The following MTFR1 variants were observed in gnomAD, a reference collection of about 807,000 sequenced individuals.
MTFR1 encodes mitochondrial fission regulator 1.
Under a neutral mutation model 38.8 loss-of-function variants are expected in MTFR1, and 28 were observed. That is an observed-to-expected ratio of 0.72 (90% CI 0.53 to 0.99). MTFR1 has a LOEUF of 0.99. Among genes scored for constraint, MTFR1 ranks in the 50% least tolerant of loss-of-function variants. The pLI, the probability that MTFR1 is intolerant of heterozygous loss-of-function variation, is 0.00. For synonymous variants in MTFR1, 145 were observed against 137.0 expected, an observed-to-expected ratio of 1.06 and a Z score of -0.41; for missense variants, 358 against 395.5, an observed-to-expected ratio of 0.91 and a Z score of 0.81.
intron 1 of MTFR1, among the ~76,000 whole-genome samples, chr8:65,660,879 T>G (rs1809394988): frequency 1.3e-5 from 2 of 152,202 alleles, no homozygotes; most frequent in African/African-American, 4.8e-5. Flanking sequence ...AAATGGAATG[T>G]TATTCCACAC....
downstream of MTFR1, among the ~76,000 whole-genome samples, chr8:65,771,884 C>CAAAAAAA (rs36101490): frequency 1.6e-4 from 9 of 55,756 alleles, no homozygotes; most frequent in Admixed American, 2.4e-4. Flanking sequence ...CTCCATCTCT[C>CAAAAAAA]AAAAAAAAAA....
intron 1 of MTFR1, among the ~76,000 whole-genome samples, chr8:65,646,159 G>A (rs1808960588): frequency 6.6e-6 from 1 of 152,136 alleles, no homozygotes; most frequent in Admixed American, 6.5e-5. Flanking sequence ...TATGTATGAA[G>A]GACTGTGAAG....
intron 3 of MTFR1, among the ~76,000 whole-genome samples, chr8:65,686,651 G>A (rs1203371149): frequency 6.8e-6 from 1 of 146,824 alleles, no homozygotes; most frequent in Admixed American, 6.9e-5. Flanking sequence ...CTGGGCACGG[G>A]GTGGCTCACA....
At position 65,709,036 on chromosome 8, in the gene MTFR1, G is replaced by C; in HGVS notation, c.994G>C (p.Asp332His). The C allele has an allele frequency of 6.2e-7, 1 of 1,613,916 alleles. No individual in the cohort carries two copies. Among genetic ancestry groups the C allele is most frequent in the Non-Finnish European group, 8.5e-7 (1 of 1,179,828 alleles). Reference protein sequence around the residue: ...KMKALIENVSDS With the variant: ...KMKALIENVSHS ...GAAGGCTTTAATTGAAAATGTATCA[G>C]ACTCCTAATAGACAATGAGCTGCGA... The change falls in exon 8 of 8, where the codon GAC becomes CAC. Residue 332 changes from aspartate (D) to histidine (H), a missense_variant. By Grantham distance (81) the Asp-to-His change is moderately conservative (BLOSUM62 -1). Coordinates refer to ENST00000262146, the MANE Select transcript of MTFR1 (RefSeq NM_014637.4).
At chr8:65,662,251 C>T (rs902566343) in intron 1 of MTFR1, among the ~76,000 whole-genome samples, 1 of 152,094 alleles carries the variant, frequency 6.6e-6, no homozygotes, top group African/African-American at 2.4e-5. Context: ...GCGCGCGCCG[C>T]CACGCCTGAT....
intron 3 of MTFR1, among the ~76,000 whole-genome samples, chr8:65,762,742 T>G (rs1808570992): frequency 6.6e-6 from 1 of 152,198 alleles, no homozygotes; most frequent in African/African-American, 2.4e-5. Flanking sequence ...CAGATTTATT[T>G]TTCATGACAG....
intron 1 of MTFR1, among the ~76,000 whole-genome samples, chr8:65,661,376 G>T (rs1483853275): frequency 6.6e-6 from 1 of 152,164 alleles, no homozygotes; most frequent in East Asian, 1.9e-4. Flanking sequence ...CTCTGTTTTA[G>T]CCTGTAACCC....
intron 2 of MTFR1, chr8:65,719,030 C>CT (rs1806263471): frequency 2.0e-6 from 1 of 506,822 alleles, no homozygotes; most frequent in South Asian, 2.6e-5. Flanking sequence ...TTTGTTACTC[C>CT]TTTCGGATTC....
intron 4 of MTFR1, among the ~76,000 whole-genome samples, chr8:65,695,657 A>G (rs916345741): frequency 2.6e-5 from 4 of 152,196 alleles, no homozygotes; most frequent in Non-Finnish European, 4.4e-5. Context: ...GCACCTAGCT[A>G]TAATGTATAG....
At chr8:65,705,543 A>G (rs902716755) in intron 5 of MTFR1, among the ~76,000 whole-genome samples, 2 of 152,202 alleles carry the variant, frequency 1.3e-5, no homozygotes, top group African/African-American at 4.8e-5. Context: ...TGTCTAGGAT[A>G]ATGGCACCAA....
At chr8:65,744,022 G>T (rs1807558447) in intron 3 of MTFR1, among the ~76,000 whole-genome samples, 1 of 152,104 alleles carries the variant, frequency 6.6e-6, no homozygotes, top group African/African-American at 2.4e-5. Context: ...TAGTAGAGAT[G>T]GGGTTTTGCC....
chr8:65,677,445 C>T (rs572684856), intron 2 of MTFR1, among the ~76,000 whole-genome samples: 2 of 145,296 alleles, frequency 1.4e-5, no homozygotes, highest in South Asian at 4.5e-4. Context: ...TGCAGTGGCA[C>T]GATGTCAGCT....
At chr8:65,652,937 C>T (rs66820398) in intron 1 of MTFR1, among the ~76,000 whole-genome samples, 29,222 of 152,084 alleles carry the variant, frequency 0.19, 2,968 homozygotes, top group Middle Eastern at 0.23. Flanking sequence ...TTTTGGTGTC[C>T]ATGGGATTCC....
chr8:65,734,542 C>T (rs1351452394), intron 3 of MTFR1, among the ~76,000 whole-genome samples: 1 of 152,164 alleles, frequency 6.6e-6, no homozygotes, highest in Admixed American at 6.5e-5. Flanking sequence ...GTGTAAATGC[C>T]AGCAGTCGAG....
At chr8:65,687,671 A>G (rs914634333) in intron 3 of MTFR1, among the ~76,000 whole-genome samples, 2 of 152,124 alleles carry the variant, frequency 1.3e-5, no homozygotes, top group Non-Finnish European at 2.9e-5. Flanking sequence ...AAGTAATCAC[A>G]TTCAGAAATA....
At chr8:65,663,899 A>G (rs1173042242) in intron 1 of MTFR1, among the ~76,000 whole-genome samples, 1 of 136,172 alleles carries the variant, frequency 7.3e-6, no homozygotes, top group African/African-American at 2.8e-5. Flanking sequence ...ACCTCGGCTC[A>G]CTGCAACAAC....
At chr8:65,776,344 CTTAA>C in the MTFR1 span, among the ~76,000 whole-genome samples, 2 of 152,084 alleles carry the variant, frequency 1.3e-5, no homozygotes, top group African/African-American at 4.8e-5. Context: ...ATCACCTTGA[CTTAA>C]TTATTATTGT....
At chr8:65,686,805 C>T (rs1016055028) in intron 3 of MTFR1, among the ~76,000 whole-genome samples, 1 of 151,846 alleles carries the variant, frequency 6.6e-6, no homozygotes, top group African/African-American at 2.4e-5. Flanking sequence ...TTCTTGTCAT[C>T]CCAGCTACTT....
chr8:65,707,183 A>C lies in MTFR1; in HGVS notation c.691A>C (p.Lys231Gln), dbSNP rs748887981. ...AAAGACTTTGGTTAAGAACAATCCA[A>C]AGAAACCTGAAATGCCAAATATGCT... ...AGKTLVKNNP[K>Q]KPEMPNMLEI... Residue 231 changes from lysine to glutamine, a missense_variant, in exon 6 of 8, where the codon AAG (lysine) becomes CAG (glutamine). Physicochemically the swap from Lys to Gln is moderately conservative, Grantham distance 53 (BLOSUM62 1). Transcript: ENST00000262146. 4 of 1,614,072 alleles carry C rather than the reference A, an allele frequency of 2.5e-6. No homozygotes were observed. The South Asian group carries it at 3.3e-5, about 13-fold the overall frequency.
Sources: allele counts gnomAD v4.1 joint callset (sites outside exome capture counted in the v4.1 genomes callset), GRCh38; gene constraint gnomAD v4.1.1; transcripts MANE v1.5; gene names NCBI Gene and HGNC (gene_info 2026-07-23, HGNC 2026-07-21).